The following PLEKHA5 variants were observed in gnomAD, a reference collection of about 807,000 sequenced individuals.
PLEKHA5 encodes the protein pleckstrin homology domain containing A5, also known as pleckstrin homology domain-containing family A member 5.
In PLEKHA5, 55 loss-of-function variants were observed where a neutral mutation model predicts 181.9. That is an observed-to-expected ratio of 0.30 (90% CI 0.24 to 0.38). PLEKHA5 has a LOEUF of 0.38. Among genes scored for constraint, PLEKHA5 ranks in the 10% least tolerant of loss-of-function variants. The pLI is 1.00. For missense variants in PLEKHA5, 1,432 were observed against 1,549.5 expected, an observed-to-expected ratio of 0.92 and a Z score of 1.27; for synonymous variants, 535 against 529.4, an observed-to-expected ratio of 1.01 and a Z score of -0.15.
At chr12:19,372,497 T>G (rs2095609144) in intron 31 of PLEKHA5, 1 of 151,988 alleles carries the variant, frequency 6.6e-6, no homozygotes, top group Admixed American at 6.6e-5. Flanking sequence ...CCTCCCATCC[T>G]GTTTTCTGGA....
intron 5 of PLEKHA5, among the ~76,000 whole-genome samples, chr12:19,256,171 A>T (rs2066830761): frequency 6.6e-6 from 1 of 152,188 alleles, no homozygotes; most frequent in South Asian, 2.1e-4. Flanking sequence ...ATGAAAAAAG[A>T]TTCTCAGCCT....
At chr12:19,217,312 C>G (rs1315304449) in intron 3 of PLEKHA5, among the ~76,000 whole-genome samples, 2 of 152,060 alleles carry the variant, frequency 1.3e-5, no homozygotes, top group Admixed American at 1.3e-4. Context: ...AGTTTACTCC[C>G]AGAAAGGGAA....
chr12:19,197,044 C>T (rs1221601036), intron 3 of PLEKHA5, among the ~76,000 whole-genome samples: 1 of 152,068 alleles, frequency 6.6e-6, no homozygotes, highest in African/African-American at 2.4e-5. Context: ...TGTACTTCCT[C>T]CCCTGCCCTT....
intron 3 of PLEKHA5, among the ~76,000 whole-genome samples, chr12:19,184,470 T>G (rs771692458): frequency 1.7e-4 from 26 of 152,184 alleles, no homozygotes; most frequent in Non-Finnish European, 2.5e-4. Context: ...TGAGTTTATA[T>G]TCTCGTGTAA....
At position 19,255,162 on chromosome 12, in the gene PLEKHA5, C is replaced by T; in HGVS notation, c.429C>T (p.Gly143=). ...CAGTGCATCCAATGAGCCCTGTAGG[C>T]AGAGTAAGTTATTTTGCTTTATATT... ...DYAVHPMSPV[G]RTSRASKKVH... Residue 143 remains glycine, a synonymous_variant, in exon 5 of 32, where the codon GGC becomes GGT. Transcript: ENST00000429027. 2 of 1,575,626 alleles carry T rather than the reference C, an allele frequency of 1.3e-6. No homozygotes were observed. Among genetic ancestry groups the T allele is most frequent in the Non-Finnish European group, 1.7e-6 (2 of 1,155,280 alleles).
At position 19,362,218 on chromosome 12, in the gene PLEKHA5, G is replaced by C. The variant is rs190545279; in HGVS notation, c.3608+512G>C. On this transcript the variant is annotated intron_variant, in intron 29 of 31. Coordinates refer to ENST00000429027, the MANE Select transcript of PLEKHA5 (RefSeq NM_001256470.2). Reference sequence around the variant, plus strand: ...GCATAATAACAGTATCTATCTGACAGGTGTGTTGTAAAGATTAATACGAAA... The same window carrying C: ...GCATAATAACAGTATCTATCTGACACGTGTGTTGTAAAGATTAATACGAAA... Among the ~76,000 whole-genome samples the C allele has an allele frequency of 1.7e-3, 261 of 149,368 alleles. 1 individual carries two copies. The highest frequency in any genetic ancestry group is 2.9e-3 in the Non-Finnish European group (199 of 67,504).
intron 3 of PLEKHA5, among the ~76,000 whole-genome samples, chr12:19,143,989 A>G (rs1245503961): frequency 1.3e-5 from 2 of 152,162 alleles, no homozygotes; most frequent in African/African-American, 2.4e-5. Flanking sequence ...AGCTTTTTAG[A>G]TGGTTCATCA....
intron 3 of PLEKHA5, chr12:19,205,433 A>C: frequency 5.2e-6 from 5 of 962,130 alleles, no homozygotes; most frequent in Non-Finnish European, 4.9e-6. Context: ...TTTTTAGCAA[A>C]AGGCTATTTG....
chr12:19,209,593 G>T (rs551007584), intron 3 of PLEKHA5, among the ~76,000 whole-genome samples: 1 of 152,178 alleles, frequency 6.6e-6, no homozygotes, highest in Non-Finnish European at 1.5e-5. Context: ...TTAAACAAGT[G>T]GGATCAAGAT....
At chr12:19,185,090 AC>A (rs547944521) in intron 3 of PLEKHA5, among the ~76,000 whole-genome samples, 1 of 150,956 alleles carries the variant, frequency 6.6e-6, no homozygotes, top group Non-Finnish European at 1.5e-5. Context: ...TCTTCTCTAT[AC>A]CTTTTTTTTT....
At chr12:19,224,735 T>C (rs1216305358) in intron 3 of PLEKHA5, among the ~76,000 whole-genome samples, 3 of 152,188 alleles carry the variant, frequency 2.0e-5, no homozygotes, top group Non-Finnish European at 4.4e-5. Context: ...AAATAAAAAT[T>C]ACATTTCATT....
chr12:19,302,894 GT>G (rs1346944125), intron 15 of PLEKHA5, among the ~76,000 whole-genome samples: 1 of 109,826 alleles, frequency 9.1e-6, no homozygotes, highest in Non-Finnish European at 1.8e-5. Flanking sequence ...GGACAGCACT[GT>G]TCTGTATGAA....
chr12:19,309,863 T>C (rs2152978315), intron 15 of PLEKHA5, among the ~76,000 whole-genome samples: 1 of 152,330 alleles, frequency 6.6e-6, no homozygotes, highest in Middle Eastern at 3.4e-3. Context: ...AGGCAACTGC[T>C]TTCTTTGTTA....
At chr12:19,250,549 C>T (rs1372358343) in intron 3 of PLEKHA5, among the ~76,000 whole-genome samples, 1 of 152,010 alleles carries the variant, frequency 6.6e-6, no homozygotes, top group Non-Finnish European at 1.5e-5. Flanking sequence ...TGCCATTGCA[C>T]TCCAGCCTGG....
chr12:19,315,250 G>C (rs950286981), intron 16 of PLEKHA5, among the ~76,000 whole-genome samples: 1 of 152,028 alleles, frequency 6.6e-6, no homozygotes, highest in Non-Finnish European at 1.5e-5. Context: ...TAGGGAAAAG[G>C]CTTTGTAAAA....
At chr12:19,155,515 A>G (rs918759864) in intron 3 of PLEKHA5, among the ~76,000 whole-genome samples, 2 of 152,140 alleles carry the variant, frequency 1.3e-5, no homozygotes, top group African/African-American at 2.4e-5. Flanking sequence ...TTTTTATATA[A>G]GCCTAGGAAT....
Position 19,288,191 on chromosome 12 carries a change from G to T in PLEKHA5, c.1863+635G>T, listed in dbSNP as rs1007806292. Reference sequence around the variant, plus strand: ...AGTAATTCATTAGTGAACAAATCCAGCAAGCAGTTATTTGTAGTCAAACTA... The same window carrying T: ...AGTAATTCATTAGTGAACAAATCCATCAAGCAGTTATTTGTAGTCAAACTA... On this transcript the variant is annotated intron_variant, in intron 13 of 31. Coordinates refer to ENST00000429027, the MANE Select transcript of PLEKHA5 (RefSeq NM_001256470.2). The T allele has an allele frequency of 2.3e-5, 5 of 214,110 alleles. No individual in the cohort carries two copies. The Admixed American group carries it at 2.6e-4, about 11-fold the overall frequency. 13.3% of individuals were successfully genotyped at this position (214,110 alleles called of 1,614,324 possible).
At chr12:19,150,362 C>T (rs1180786144) in intron 3 of PLEKHA5, 2 of 152,166 alleles carry the variant, frequency 1.3e-5, no homozygotes, top group African/African-American at 4.8e-5. Flanking sequence ...CAGTGTGCTT[C>T]TGAGAAGTCT....
intron 3 of PLEKHA5, among the ~76,000 whole-genome samples, chr12:19,251,339 A>G (rs112180673): frequency 0.089 from 13,532 of 151,410 alleles, 902 homozygotes; most frequent in African/African-American, 0.19. Context: ...CCCAGGAGGC[A>G]GAGGTTGCAG....
Sources: allele counts gnomAD v4.1 joint callset (sites outside exome capture counted in the v4.1 genomes callset), GRCh38; gene constraint gnomAD v4.1.1; transcripts MANE v1.5; gene names NCBI Gene and HGNC (gene_info 2026-07-23, HGNC 2026-07-21).